Variants in TMEM135 observed in about 807,000 individuals in gnomAD.
TMEM135 encodes the protein transmembrane protein 135.
In TMEM135, 30 loss-of-function variants were observed where a neutral mutation model predicts 60.3. The ratio of observed to expected loss-of-function variants is 0.50; its 90% confidence interval spans 0.37 to 0.68. The LOEUF is 0.68. Among genes scored for constraint, TMEM135 ranks in the 30% least tolerant of loss-of-function variants. The probability of loss-of-function intolerance (pLI) is 0.00; values close to 1 mark genes in which losing one functional copy is unlikely to be tolerated. For missense variants in TMEM135, 468 were observed against 548.8 expected (o/e 0.85, Z 1.47); for synonymous variants, 190 against 186.7 (o/e 1.02, Z -0.14).
chr11:87,043,203 C>T (rs1336760404), intron 1 of TMEM135, among the ~76,000 whole-genome samples: 1 of 151,862 alleles, frequency 6.6e-6, no homozygotes, highest in Non-Finnish European at 1.5e-5. Flanking sequence ...GATCCACCTG[C>T]CTCAGCCTCC....
intron 4 of TMEM135, among the ~76,000 whole-genome samples, chr11:87,119,667 C>T (rs1394553129): frequency 6.6e-6 from 1 of 152,258 alleles, no homozygotes; most frequent in Non-Finnish European, 1.5e-5. Flanking sequence ...TGCCACTGCA[C>T]TCCAGCCTGG....
intron 4 of TMEM135, among the ~76,000 whole-genome samples, chr11:87,127,856 A>C (rs1268121029): frequency 7.0e-6 from 1 of 142,788 alleles, no homozygotes; most frequent in Non-Finnish European, 1.5e-5. Context: ...TTGTAACTTA[A>C]TGTAAATATT....
intron 7 of TMEM135, among the ~76,000 whole-genome samples, chr11:87,296,038 C>CTGT (rs1942342258): frequency 6.6e-6 from 1 of 152,060 alleles, no homozygotes; most frequent in Admixed American, 6.5e-5. Context: ...TCTTTTGGAC[C>CTGT]TGTTGTGTGC....
At chr11:87,259,209 C>A in intron 6 of TMEM135, 1 of 500,492 alleles carries the variant, frequency 2.0e-6, no homozygotes. Context: ...CTCCACGTCG[C>A]CTTTTGGGAG....
chr11:87,315,666 T>A (rs1397141484), intron 12 of TMEM135, among the ~76,000 whole-genome samples: 1 of 152,036 alleles, frequency 6.6e-6, no homozygotes, highest in Non-Finnish European at 1.5e-5. Context: ...AATGCATTTT[T>A]CCTTTTCAAC....
chr11:87,235,578 G>A (rs1373162839), intron 5 of TMEM135, among the ~76,000 whole-genome samples: 2 of 151,874 alleles, frequency 1.3e-5, no homozygotes, highest in African/African-American at 4.8e-5. Context: ...ATTTTTTGCA[G>A]TGTTTTCATT....
intron 6 of TMEM135, among the ~76,000 whole-genome samples, chr11:87,238,185 G>A (rs750130023): frequency 6.6e-6 from 1 of 151,904 alleles, no homozygotes; most frequent in African/African-American, 2.4e-5. Flanking sequence ...ATACCCAGCA[G>A]TGGGATTGCT....
At chr11:87,146,615 A>C (rs934552402) in intron 4 of TMEM135, among the ~76,000 whole-genome samples, 1 of 152,130 alleles carries the variant, frequency 6.6e-6, no homozygotes, top group African/African-American at 2.4e-5. Context: ...TTAATCCATC[A>C]CATATTTTTA....
At chr11:87,269,462 A>T (rs1285400848) in intron 6 of TMEM135, among the ~76,000 whole-genome samples, 2 of 151,828 alleles carry the variant, frequency 1.3e-5, no homozygotes, top group Non-Finnish European at 2.9e-5. Context: ...GTCATTTAGC[A>T]TTAGGTATAT....
intron 7 of TMEM135, among the ~76,000 whole-genome samples, chr11:87,298,806 A>G (rs1942394617): frequency 7.7e-6 from 1 of 129,168 alleles, no homozygotes. Flanking sequence ...AAAAAAAAAC[A>G]GCCGGGCACA....
rs186318542 is a variant in TMEM135 at position 87,233,551 on chromosome 11, T to C, written c.463-3087T>C. Among the ~76,000 whole-genome samples the C allele has an allele frequency of 3.0e-3, 454 of 152,262 alleles. 2 individuals carry two copies. The highest frequency in any genetic ancestry group is 1.0e-2 in the African/African-American group (415 of 41,570). On this transcript the variant is annotated intron_variant, in intron 5 of 14. Coordinates refer to ENST00000305494, the MANE Select transcript of TMEM135 (RefSeq NM_022918.4). Reference sequence around the variant, plus strand: ...TGATTATTTTACAGGTATATAGCTATGTTGAAACTTATGAAATTGTACACT... The same window carrying C: ...TGATTATTTTACAGGTATATAGCTACGTTGAAACTTATGAAATTGTACACT...
Position 87,321,927 on chromosome 11 carries a change from A to G in TMEM135, c.*594A>G, listed in dbSNP as rs1243744035. On this transcript the variant is annotated 3_prime_UTR_variant, in exon 15 of 15. Coordinates refer to ENST00000305494, the MANE Select transcript of TMEM135 (RefSeq NM_022918.4). ...CAAAGATGGGTCTCATACCATTTGG[A>G]TAAATGTCGTGGTATCCATGCTTTT... 4.4e-6 allele frequency: 2 copies of G among 454,310 alleles called. No individual in the cohort carries two copies. Among genetic ancestry groups the G allele is most frequent in the African/African-American group, 4.0e-5 (2 of 49,980 alleles). The allele number at this position is 454,310 out of a possible 1,614,324, so 28.1% of individuals were successfully genotyped here. A position where few individuals can be genotyped will look rare whatever the true frequency, so the allele number is the denominator to read the frequency against.
intron 4 of TMEM135, 95 bp from the exon 5 acceptor site, chr11:87,157,246 G>C: frequency 1.8e-6 from 2 of 1,119,946 alleles, no homozygotes; most frequent in African/African-American, 3.1e-5. Flanking sequence ...ATATATAATA[G>C]TATTGAATGT....
At position 87,041,470 on chromosome 11, in the gene TMEM135, T is replaced by G. The variant is rs182733983; in HGVS notation, c.141+3284T>G. Among the ~76,000 whole-genome samples, 346 of 152,302 alleles carry G rather than the reference T, an allele frequency of 2.3e-3. 2 individuals are homozygous for G. Among genetic ancestry groups the G allele is most frequent in the African/African-American group, 7.9e-3 (329 of 41,564 alleles). On this transcript the variant is annotated intron_variant, in intron 1 of 14. Transcript: ENST00000305494. ...TTTTTGAGAAATTGATGCAGCAATT[T>G]CACTAAGTAGTGGAAAGAGTCAGAA...
chr11:87,201,331 T>G (rs1940090414), intron 5 of TMEM135, among the ~76,000 whole-genome samples: 1 of 152,226 alleles, frequency 6.6e-6, no homozygotes, highest in Non-Finnish European at 1.5e-5. Context: ...ATCCTTCATG[T>G]TCCATTTTTT....
intron 13 of TMEM135, 41 bp downstream of exon 13, chr11:87,318,276 G>T: frequency 7.4e-7 from 1 of 1,342,366 alleles, no homozygotes; most frequent in Non-Finnish European, 1.1e-6. Context: ...AATGATTCCT[G>T]TTTCTAATGT....
chr11:87,289,271 A>G (rs1233455944), intron 6 of TMEM135, among the ~76,000 whole-genome samples: 1 of 152,050 alleles, frequency 6.6e-6, no homozygotes, highest in Non-Finnish European at 1.5e-5. Context: ...TGTAATCTCA[A>G]ATATTTATCA....
intron 6 of TMEM135, among the ~76,000 whole-genome samples, chr11:87,262,059 C>A (rs1002295595): frequency 1.3e-5 from 2 of 152,078 alleles, no homozygotes; most frequent in African/African-American, 4.8e-5. Context: ...CAGTACATAT[C>A]CTCATTGTTT....
chr11:87,145,388 C>T (rs773321359), intron 4 of TMEM135, among the ~76,000 whole-genome samples: 1 of 152,134 alleles, frequency 6.6e-6, no homozygotes, highest in Non-Finnish European at 1.5e-5. Flanking sequence ...CTGCAGTGAA[C>T]ATAGGGGTGC....
Sources: allele counts gnomAD v4.1 joint callset (sites outside exome capture counted in the v4.1 genomes callset), GRCh38; gene constraint gnomAD v4.1.1; transcripts MANE v1.5; gene names NCBI Gene and HGNC (gene_info 2026-07-23, HGNC 2026-07-21).